The following LRRC4C variants were observed in gnomAD, a reference collection of about 807,000 sequenced individuals.
LRRC4C encodes leucine rich repeat containing 4C, also known as leucine-rich repeat-containing protein 4C.
A neutral mutation model predicts 33.6 loss-of-function variants in LRRC4C; 5 were observed. The observed-to-expected ratio is 0.15, with a 90% CI of 0.08 to 0.31. The LOEUF (loss-of-function observed/expected upper bound fraction) is 0.31, where lower values mean the gene tolerates loss of function less well. LRRC4C is among the 10% of genes least tolerant of loss of function. The pLI is 1.00. For missense variants in LRRC4C, 560 were observed against 796.7 expected, an observed-to-expected ratio of 0.70 and a Z score of 3.58; for synonymous variants, 329 against 302.0, an observed-to-expected ratio of 1.09 and a Z score of -0.93.
intron 3 of LRRC4C, among the ~76,000 whole-genome samples, chr11:40,432,872 T>C (rs1950989708): frequency 6.6e-6 from 1 of 152,204 alleles, no homozygotes; most frequent in African/African-American, 2.4e-5. Context: ...TCCCAAGAGA[T>C]ACACTTTTTA....
At chr11:40,414,187 G>A (rs1950245874) in intron 3 of LRRC4C, among the ~76,000 whole-genome samples, 1 of 152,042 alleles carries the variant, frequency 6.6e-6, no homozygotes, top group Non-Finnish European at 1.5e-5. Flanking sequence ...TTACATGACT[G>A]GATGGCTTCC....
At position 40,559,831 on chromosome 11, in the gene LRRC4C, C is replaced by CT. The variant is rs534340691; in HGVS notation, c.-270+88310dup. Among the ~76,000 whole-genome samples, 558 of 151,944 alleles carry CT rather than the reference C, an allele frequency of 3.7e-3. 2 individuals are homozygous for CT. Among genetic ancestry groups the CT allele is most frequent in the Non-Finnish European group, 6.0e-3 (407 of 67,970 alleles). ...TTCTCTAATGATCGGTGATATTAAG[C>CT]TTTTTTTTCACATGCTTGTTGGCCA... is the stretch of plus-strand genomic sequence containing the variant. On this transcript the variant is annotated intron_variant, in intron 3 of 6. Transcript: ENST00000528697.
At chr11:40,493,794 C>T (rs980260832) in intron 3 of LRRC4C, among the ~76,000 whole-genome samples, 3 of 152,090 alleles carry the variant, frequency 2.0e-5, no homozygotes, top group South Asian at 2.1e-4. Context: ...TTAGGTGGAA[C>T]GCGAATTACC....
chr11:40,859,746 T>A (rs902192543), intron 2 of LRRC4C, among the ~76,000 whole-genome samples: 1 of 152,114 alleles, frequency 6.6e-6, no homozygotes, highest in African/African-American at 2.4e-5. Flanking sequence ...GCAATATTAG[T>A]CAACCATAAA....
chr11:41,200,332 G>A (rs1385289983), intron 1 of LRRC4C, among the ~76,000 whole-genome samples: 2 of 152,048 alleles, frequency 1.3e-5, no homozygotes, highest in South Asian at 2.1e-4. Flanking sequence ...AAGTAAAAAG[G>A]CATTATTTCT....
At chr11:41,402,135 T>A (rs1954049118) in intron 1 of LRRC4C, among the ~76,000 whole-genome samples, 1 of 151,868 alleles carries the variant, frequency 6.6e-6, no homozygotes, top group Admixed American at 6.6e-5. Flanking sequence ...GACAACAGGG[T>A]CCATGGGATA....
intron 2 of LRRC4C, among the ~76,000 whole-genome samples, chr11:40,801,231 G>C (rs994211107): frequency 6.6e-6 from 1 of 152,078 alleles, no homozygotes; most frequent in Non-Finnish European, 1.5e-5. Context: ...AGCAATTTAT[G>C]AGAAAAATTT....
intron 1 of LRRC4C, among the ~76,000 whole-genome samples, chr11:41,127,140 G>A (rs1178585382): frequency 6.6e-6 from 1 of 151,824 alleles, no homozygotes; most frequent in African/African-American, 2.4e-5. Context: ...TTAATTGCAT[G>A]TACCACACTT....
chr11:40,114,676 C>T lies in LRRC4C; in HGVS notation c.1617G>A (p.Met539Ile), dbSNP rs1855284645. The part of the protein sequence containing the change: ...IIGCFVAITL[M>I]AAVMLVIFYK... Reference sequence around the variant, plus strand: ...AGAAAATGACCAGCATCACTGCAGCCATGAGTGTGATGGCCACAAAACACC... The same window carrying T: ...AGAAAATGACCAGCATCACTGCAGCTATGAGTGTGATGGCCACAAAACACC... Residue 539 changes from methionine to isoleucine, a missense_variant, in exon 7 of 7, where the codon ATG (methionine) becomes ATA (isoleucine). Transcript: ENST00000528697. The T allele has an allele frequency of 5.0e-6, 8 of 1,614,164 alleles. No individual in the cohort carries two copies. The highest frequency in any genetic ancestry group is 6.8e-6 in the Non-Finnish European group (8 of 1,180,034).
chr11:40,172,355 C>T (rs900316652), intron 5 of LRRC4C, among the ~76,000 whole-genome samples: 2 of 152,164 alleles, frequency 1.3e-5, no homozygotes, highest in African/African-American at 4.8e-5. Context: ...ACTAATCCTA[C>T]ACCATTCCTC....
chr11:40,942,969 G>T (rs546366540), intron 1 of LRRC4C, among the ~76,000 whole-genome samples: 1 of 152,266 alleles, frequency 6.6e-6, no homozygotes, highest in South Asian at 2.1e-4. Flanking sequence ...AGGATCATGT[G>T]AAATAAATAG....
chr11:41,304,704 C>T lies in LRRC4C; in HGVS notation c.-496+154727G>A, dbSNP rs1275532495. On this transcript the variant is annotated intron_variant, in intron 1 of 6. Transcript: ENST00000528697. ...CAGCCCCCCGCCCGGCCAGCCACCC[C>T]GTCCGGGAGGGAGGTGGGGGTATCA... 3.6e-5 allele frequency among the ~76,000 whole-genome samples: 3 copies of T among 83,828 alleles called. 1 individual carries two copies. Among genetic ancestry groups the T allele is most frequent in the Non-Finnish European group, 4.9e-5 (2 of 40,900 alleles). 55.0% of individuals were successfully genotyped at this position (83,828 alleles called of 152,430 possible). A position where few individuals can be genotyped will look rare whatever the true frequency, so the allele number is the denominator to read the frequency against.
chr11:40,962,916 G>A (rs1473614613), intron 1 of LRRC4C, among the ~76,000 whole-genome samples: 5 of 151,720 alleles, frequency 3.3e-5, no homozygotes, highest in Admixed American at 6.6e-5. Context: ...CAGGAAGAAT[G>A]CCTTATTTGC....
Position 40,948,409 on chromosome 11 carries a change from C to T in LRRC4C, c.-495-14686G>A, listed in dbSNP as rs140529126. Among the ~76,000 whole-genome samples the T allele has an allele frequency of 2.6e-5, 4 of 151,794 alleles. No individual in the cohort carries two copies. In the East Asian group the frequency reaches 7.8e-4, roughly 30 times the overall value. On this transcript the variant is annotated intron_variant, in intron 1 of 6. Coordinates refer to ENST00000528697, the MANE Select transcript of LRRC4C (RefSeq NM_001258419.2). ...TACTTTAAGTTTTAGTGTACATGTG[C>T]ACAATGTGCAGGTTAGTTACATATG...
At chr11:41,418,418 C>T (rs1013673051) in intron 1 of LRRC4C, among the ~76,000 whole-genome samples, 2 of 151,940 alleles carry the variant, frequency 1.3e-5, no homozygotes, top group Non-Finnish European at 2.9e-5. Context: ...GGTATAAATG[C>T]ATTTCCTCGA....
At chr11:40,752,555 T>A (rs1372963966) in intron 2 of LRRC4C, among the ~76,000 whole-genome samples, 2 of 151,778 alleles carry the variant, frequency 1.3e-5, no homozygotes. Context: ...GATATCATCT[T>A]ACCCGAGTTA....
intron 2 of LRRC4C, among the ~76,000 whole-genome samples, chr11:40,673,790 CT>C (rs35788282): frequency 6.6e-6 from 1 of 152,160 alleles, no homozygotes; most frequent in African/African-American, 2.4e-5. Flanking sequence ...CCACAGGAAA[CT>C]TTTTAGCTCC....
chr11:41,222,993 A>G (rs1293097927), intron 1 of LRRC4C: 1 of 152,138 alleles, frequency 6.6e-6, no homozygotes, highest in African/African-American at 2.4e-5. Context: ...ATGACAGTAA[A>G]CACTTCATTT....
chr11:40,412,687 C>A (rs1950195020), intron 3 of LRRC4C, among the ~76,000 whole-genome samples: 1 of 151,968 alleles, frequency 6.6e-6, no homozygotes, highest in Non-Finnish European at 1.5e-5. Flanking sequence ...AAGCACAGTT[C>A]TGCGATTGTA....
Sources: gnomAD v4.1 joint callset for allele counts (sites outside exome capture counted in the v4.1 genomes callset) on GRCh38, gnomAD v4.1.1 for gene constraint, MANE v1.5 for transcripts, NCBI Gene and HGNC (gene_info 2026-07-23, HGNC 2026-07-21) for gene names.